Variants in PLCB4 observed in about 807,000 individuals in gnomAD.
PLCB4 encodes phospholipase C beta 4.
PLCB4 carries 77 observed loss-of-function variants against 178.8 expected under a neutral mutation model. The observed-to-expected ratio is 0.43, with a 90% CI of 0.36 to 0.52. The LOEUF (loss-of-function observed/expected upper bound fraction) is 0.52, where lower values mean the gene tolerates loss of function less well. Among genes scored for constraint, PLCB4 ranks in the 20% least tolerant of loss-of-function variants. The pLI is 0.00. For synonymous variants in PLCB4, 496 were observed against 490.8 expected (o/e 1.01, Z -0.14); for missense variants, 1,024 against 1,453.4 (o/e 0.70, Z 4.80).
chr20:9,153,409 A>ATTC (rs2092724892), intron 2 of PLCB4, among the ~76,000 whole-genome samples: 1 of 152,076 alleles, frequency 6.6e-6, no homozygotes, highest in Admixed American at 6.6e-5. Context: ...TTGCCGTGTT[A>ATTC]TTCTCTTGAT....
At chr20:9,444,677 G>A (rs1039086677) in intron 32 of PLCB4, among the ~76,000 whole-genome samples, 8 of 152,082 alleles carry the variant, frequency 5.3e-5, no homozygotes, top group Admixed American at 2.6e-4. Flanking sequence ...CAGGAGAATC[G>A]CTTTAACCCG....
At chr20:9,192,420 C>G (rs902779221) in intron 2 of PLCB4, among the ~76,000 whole-genome samples, 2 of 151,962 alleles carry the variant, frequency 1.3e-5, no homozygotes. Context: ...GGGCCAGGTT[C>G]ATGAATGTGT....
intron 3 of PLCB4, among the ~76,000 whole-genome samples, chr20:9,278,562 C>T (rs2094468851): frequency 6.6e-6 from 1 of 152,052 alleles, no homozygotes; most frequent in Admixed American, 6.6e-5. Context: ...CCAGCGAGCT[C>T]TCTCATGACA....
intron 2 of PLCB4, among the ~76,000 whole-genome samples, chr20:9,111,896 G>A (rs1010448459): frequency 6.6e-6 from 1 of 152,064 alleles, no homozygotes; most frequent in Non-Finnish European, 1.5e-5. Flanking sequence ...TTTCCACTAT[G>A]AAGTATATAG....
chr20:9,395,661 A>C, intron 19 of PLCB4, 43 bp downstream of exon 19: 6 of 1,405,022 alleles, frequency 4.3e-6, no homozygotes, highest in Non-Finnish European at 6.0e-6. Context: ...CTTTGAAAAT[A>C]CTTTTTAAAT....
intron 1 of PLCB4, among the ~76,000 whole-genome samples, chr20:9,084,989 C>T (rs1236012288): frequency 2.0e-5 from 3 of 148,486 alleles, no homozygotes; most frequent in Non-Finnish European, 4.4e-5. Flanking sequence ...GGAGGTGGAG[C>T]TTGCAGTGAG....
At chr20:9,123,955 G>A (rs1412056929) in intron 2 of PLCB4, among the ~76,000 whole-genome samples, 2 of 152,094 alleles carry the variant, frequency 1.3e-5, no homozygotes, top group African/African-American at 4.8e-5. Context: ...AGCAGCCACA[G>A]GCAATACCTA....
rs543203287 is a variant in PLCB4 at position 9,077,666 on chromosome 20, A to G, written c.-135+8460A>G. On this transcript the variant is annotated intron_variant, in intron 1 of 39. Coordinates refer to ENST00000378473, the MANE Select transcript of PLCB4 (RefSeq NM_001377142.1). ...GAGTTGAAAATCTATTTTCTGATCA[A>G]TTTGGTGAGCTGTGAAACTCTAGAC... Among the ~76,000 whole-genome samples the G allele has an allele frequency of 1.1e-4, 17 of 152,338 alleles. No homozygotes were observed. In the South Asian group the frequency reaches 2.7e-3, roughly 24 times the overall value.
chr20:9,157,221 A>G (rs1054591945), intron 2 of PLCB4, among the ~76,000 whole-genome samples: 5 of 91,424 alleles, frequency 5.5e-5, no homozygotes, highest in Non-Finnish European at 9.8e-5. Flanking sequence ...AAATCATATG[A>G]AAAAAAAAAA....
At chr20:9,133,709 A>G (rs939739779) in intron 2 of PLCB4, among the ~76,000 whole-genome samples, 10 of 152,236 alleles carry the variant, frequency 6.6e-5, no homozygotes, top group African/African-American at 1.9e-4. Context: ...CTGAAGCTGC[A>G]TAAGTGGATA....
At position 9,211,938 on chromosome 20, in the gene PLCB4, C is replaced by T. The variant is rs73093821; in HGVS notation, c.-78-5452C>T. Among the ~76,000 whole-genome samples the T allele has an allele frequency of 5.0e-3, 760 of 152,240 alleles. 6 individuals are homozygous for T. The highest frequency in any genetic ancestry group is 7.7e-3 in the Non-Finnish European group (521 of 68,014). On this transcript the variant is annotated intron_variant, in intron 2 of 39. Coordinates refer to ENST00000378473, the MANE Select transcript of PLCB4 (RefSeq NM_001377142.1). ...ATGGACCATTAGTGGGAGAGTGTTC[C>T]GCTTTGGGAAATAATGCTATGGTCG...
intron 2 of PLCB4, among the ~76,000 whole-genome samples, chr20:9,182,182 T>C (rs1372499553): frequency 6.6e-6 from 1 of 152,200 alleles, no homozygotes; most frequent in Non-Finnish European, 1.5e-5. Context: ...GAAGAATTGG[T>C]TCTTCTTTGC....
chr20:9,425,348 C>A (rs2040925855), intron 28 of PLCB4, among the ~76,000 whole-genome samples: 1 of 152,218 alleles, frequency 6.6e-6, no homozygotes, highest in Non-Finnish European at 1.5e-5. Flanking sequence ...GTTGTATAAA[C>A]CCATATGATG....
rs547353766 is a variant in PLCB4 at position 9,480,509 on chromosome 20, A to G, written c.*1500A>G. 2 of 152,642 alleles carry G rather than the reference A, an allele frequency of 1.3e-5. No individual in the cohort carries two copies. Among genetic ancestry groups the G allele is most frequent in the African/African-American group, 4.8e-5 (2 of 41,580 alleles). 9.5% of individuals were successfully genotyped at this position (152,642 alleles called of 1,614,324 possible). ...TCAAGAGTATTTGCTCCCAAGACAC[A>G]TTCTAGCAAATGTTTTGCCTTTTTC... On this transcript the variant is annotated 3_prime_UTR_variant, in exon 40 of 40. Transcript: ENST00000378473.
At chr20:9,099,571 C>T (rs2091061259) in intron 2 of PLCB4, among the ~76,000 whole-genome samples, 1 of 152,014 alleles carries the variant, frequency 6.6e-6, no homozygotes, top group Non-Finnish European at 1.5e-5. Flanking sequence ...AGAACATTAT[C>T]ATCATCATAG....
At chr20:9,272,285 T>C (rs1452822350) in intron 3 of PLCB4, among the ~76,000 whole-genome samples, 1 of 152,136 alleles carries the variant, frequency 6.6e-6, no homozygotes, top group Non-Finnish European at 1.5e-5. Flanking sequence ...GCAATGAGGT[T>C]CGCTGTATCA....
chr20:9,304,789 G>C (rs2094746152), intron 3 of PLCB4, among the ~76,000 whole-genome samples: 1 of 150,362 alleles, frequency 6.7e-6, no homozygotes. Context: ...TCATGTTGTT[G>C]TTACACCTGT....
intron 19 of PLCB4, among the ~76,000 whole-genome samples, chr20:9,396,808 A>C (rs2148444156): frequency 6.6e-6 from 1 of 152,354 alleles, no homozygotes; most frequent in African/African-American, 2.4e-5. Flanking sequence ...CAATAACAGC[A>C]TTATGTCCAA....
intron 2 of PLCB4, among the ~76,000 whole-genome samples, chr20:9,176,999 A>G (rs747250509): frequency 3.9e-5 from 6 of 152,136 alleles, no homozygotes; most frequent in Admixed American, 1.3e-4. Flanking sequence ...GAATGATTAT[A>G]TAAGGAGCAA....
Sources: gnomAD v4.1 joint callset for allele counts (sites outside exome capture counted in the v4.1 genomes callset) on GRCh38, gnomAD v4.1.1 for gene constraint, MANE v1.5 for transcripts, NCBI Gene and HGNC (gene_info 2026-07-23, HGNC 2026-07-21) for gene names.